KLK1: variants seen among roughly 807,000 people sequenced by gnomAD.
KLK1 encodes kallikrein 1.
In KLK1, 22 loss-of-function variants were observed where a neutral mutation model predicts 23.3. The ratio of observed to expected loss-of-function variants is 0.95; its 90% CI spans 0.68 to 1.35. The LOEUF is 1.35. Ranked by LOEUF, KLK1 falls within the 40% of genes most tolerant of loss-of-function variation. The pLI is 0.00. For synonymous variants in KLK1, 140 were observed against 135.8 expected, an observed-to-expected ratio of 1.03 and a Z score of -0.21; for missense variants, 301 against 338.9, an observed-to-expected ratio of 0.89 and a Z score of 0.88.
chr19:50,821,778 G>C lies in KLK1; in HGVS notation c.140C>G (p.Thr47Ser), dbSNP rs1380077734. ...PWQAALYHFS[T>S]FQCGGILVHR... ...CACCAGGATGCCCCCACACTGGAAA[G>C]TGCTGAAATGGTACAGAGCCGCCTG... The change falls in exon 2 of 5, where the codon ACT becomes AGT. Residue 47 changes from threonine (T) to serine (S), a missense_variant. Transcript: ENST00000301420. This position sits in a 1 kb window ranked among gnomAD's most constrained non-coding sequence, Gnocchi z 5.6. The C allele has an allele frequency of 6.2e-7, 1 of 1,613,922 alleles. No individual in the cohort carries two copies. Among genetic ancestry groups the C allele is most frequent in the African/African-American group, 1.3e-5 (1 of 74,928 alleles).
At position 50,820,045 on chromosome 19, in the gene KLK1, C is replaced by T. The variant is rs201056165; in HGVS notation, c.497-10G>A. On this transcript the variant is annotated splice_polypyrimidine_tract_variant and intron_variant, in intron 3 of 4. Coordinates refer to ENST00000301420, the MANE Select transcript of KLK1 (RefSeq NM_002257.4). ...TCATCTGGAAATGAGACTACGAACC[C>T]GGGAGAAAAAGGGCTGCAGCCCGAC... 8.1e-5 allele frequency: 131 copies of T among 1,613,614 alleles called. No homozygotes were observed. In the Middle Eastern group the frequency reaches 2.5e-3, roughly 31 times the overall value.
rs1226279168 is a variant in KLK1, at chr19:50,820,364, A to G, written c.286T>C (p.Phe96Leu). 6.2e-7 allele frequency: 1 copy of G among 1,613,842 alleles called. No individual in the cohort carries two copies. Among genetic ancestry groups the G allele is most frequent in the Non-Finnish European group, 8.5e-7 (1 of 1,180,010 alleles). Residue 96 changes from phenylalanine (F) to leucine (L), a missense_variant, in exon 3 of 5, where the codon TTC becomes CTC. Physicochemically the swap from Phe to Leu is conservative, Grantham distance 22. Coordinates refer to ENST00000301420, the MANE Select transcript of KLK1 (RefSeq NM_002257.4). ...CTCATGTTGAAGCCAGGGTGTGGGA[A>G]GCTCTCACTGACATGAACAAACTGG... is the stretch of plus-strand genomic sequence containing the variant. The part of the protein sequence containing the change: ...TAQFVHVSES[F>L]PHPGFNMSLL...
chr19:50,819,796 TG>T, intron 4 of KLK1, 102 bp downstream of exon 4: 1 of 1,175,572 alleles, frequency 8.5e-7, no homozygotes, highest in Non-Finnish European at 1.2e-6. Context: ...TACAGCTAGC[TG>T]GGAAGCAGTG....
At chr19:50,822,716 G>A in intron 1 of KLK1, 12 of 985,550 alleles carry the variant, frequency 1.2e-5, no homozygotes, top group Non-Finnish European at 1.4e-5. Context: ...CGTTTCTCAT[G>A]GGGATGGGGT....
In KLK1 at chr19:50,821,846, C is replaced by T. The variant is rs745742964; in HGVS notation, c.72G>A (p.Arg24=). 2 of 1,612,408 alleles carry T rather than the reference C, an allele frequency of 1.2e-6. No homozygotes were observed. Among genetic ancestry groups the T allele is most frequent in the Non-Finnish European group, 1.7e-6 (2 of 1,179,056 alleles). Residue 24 remains arginine, a synonymous_variant, in exon 2 of 5, where the codon CGG becomes CGA. Transcript: ENST00000301420. This position sits in a 1 kb window ranked among gnomAD's most constrained non-coding sequence, Gnocchi z 5.6. ...GTGAAPPIQS[R]IVGGWECEQH... ...GCTCACACTCCCAGCCTCCCACAAT[C>T]CGGGACTGAATCGGGGGCGCAGCAC...
In KLK1 at chr19:50,820,423, C is replaced by A; in HGVS notation, c.227G>T (p.Gly76Val). 9 of 1,610,394 alleles carry A rather than the reference C, an allele frequency of 5.6e-6. No homozygotes were observed. Among genetic ancestry groups the A allele is most frequent in the Non-Finnish European group, 7.6e-6 (9 of 1,178,462 alleles). ...TTCGTCGTCAAACAAGTTGTGGCGA[C>A]CCAGCCAGAGCTGGTAATTGCTGGG... Reference protein sequence around the residue: ...CISDNYQLWLGRHNLFDDENT... With the variant: ...CISDNYQLWLVRHNLFDDENT... The change falls in exon 3 of 5, where the codon GGT becomes GTT. Residue 76 changes from glycine (G) to valine (V), a missense_variant. Transcript: ENST00000301420.
rs904322700 is a variant in KLK1, at chr19:50,821,108, G to A, written c.206+604C>T. On this transcript the variant is annotated intron_variant, in intron 2 of 4. Transcript: ENST00000301420. The surrounding 1 kb of genome is among the most constrained non-coding windows in gnomAD (Gnocchi z 5.6). ...CCCAGCACCCTCCCGCGCGTTTCTC[G>A]CCCCGCCTCCTCCTTCCTCCTCCCT... 2.0e-5 allele frequency among the ~76,000 whole-genome samples: 3 copies of A among 152,134 alleles called. No individual in the cohort carries two copies. Among genetic ancestry groups the A allele is most frequent in the Non-Finnish European group, 2.9e-5 (2 of 68,020 alleles).
Position 50,819,320 on chromosome 19 carries a change from A to G in KLK1, c.663T>C (p.Asp221=). 1 of 1,613,392 alleles carries G rather than the reference A, an allele frequency of 6.2e-7. No individual in the cohort carries two copies. Among genetic ancestry groups the G allele is most frequent in the South Asian group, 1.1e-5 (1 of 91,058 alleles). ...VGDSGGPLMC[D]GVLQGVTSWG... is the part of the protein sequence containing the mutation. The stretch of plus-strand genomic sequence containing the variant: ...ATGATGTGACACCTTGGAGCACACC[A>G]TCACACATCAGCGGGCCCCCTGAAT... Residue 221 remains aspartate, a synonymous_variant, in exon 5 of 5, where the codon GAT becomes GAC. Coordinates refer to ENST00000301420, the MANE Select transcript of KLK1 (RefSeq NM_002257.4).
In KLK1 at chr19:50,820,222, G is replaced by T; in HGVS notation, c.428C>A (p.Pro143His). Residue 143 changes from proline to histidine, a missense_variant, in exon 3 of 5, where the codon CCC becomes CAC. By Grantham distance (77) the Pro-to-His change is moderately conservative (BLOSUM62 -2). Coordinates refer to ENST00000301420, the MANE Select transcript of KLK1 (RefSeq NM_002257.4). Reference sequence around the variant, plus strand: ...GCTCCCCACTTCGGGTTCCTCGGTGGGCAACTCCACGACCTTCACAGCATC... The same window carrying T: ...GCTCCCCACTTCGGGTTCCTCGGTGTGCAACTCCACGACCTTCACAGCATC... ...ITDAVKVVEL[P>H]TEEPEVGSTC... is the part of the protein sequence containing the mutation. 6.2e-7 allele frequency: 1 copy of T among 1,612,418 alleles called. No individual in the cohort carries two copies.
Position 50,821,640 on chromosome 19 carries a change from G to C in KLK1, c.206+72C>G. ...CCAGTCTTGCCTGAGGTTATCCAAG[G>C]GGAATGCCACTGGCCTGTCAATCCT... On this transcript the variant is annotated intron_variant, in intron 2 of 4. Coordinates refer to ENST00000301420, the MANE Select transcript of KLK1 (RefSeq NM_002257.4). This position sits in a 1 kb window ranked among gnomAD's most constrained non-coding sequence, Gnocchi z 5.6. 6.8e-7 allele frequency: 1 copy of C among 1,478,692 alleles called. No homozygotes were observed. Among genetic ancestry groups the C allele is most frequent in the Non-Finnish European group, 9.0e-7 (1 of 1,111,246 alleles). 91.6% of individuals were successfully genotyped at this position (1,478,692 alleles called of 1,614,324 possible).
At position 50,821,849 on chromosome 19, in the gene KLK1, G is replaced by T; in HGVS notation, c.69C>A (p.Ser23=). ...CACACTCCCAGCCTCCCACAATCCG[G>T]GACTGAATCGGGGGCGCAGCACCTG... ...GGTGAAPPIQ[S]RIVGGWECEQ... Residue 23 remains serine (S), a synonymous_variant, in exon 2 of 5, where the codon TCC becomes TCA. Coordinates refer to ENST00000301420, the MANE Select transcript of KLK1 (RefSeq NM_002257.4). The surrounding 1 kb of genome is among the most constrained non-coding windows in gnomAD (Gnocchi z 5.6). 1 of 1,611,842 alleles carries T rather than the reference G, an allele frequency of 6.2e-7. No homozygotes were observed. Among genetic ancestry groups the T allele is most frequent in the Non-Finnish European group, 8.5e-7 (1 of 1,178,802 alleles).
At chr19:50,820,497 G>T in intron 2 of KLK1, 54 bp from the exon 3 acceptor site, 1 of 1,123,534 alleles carries the variant, frequency 8.9e-7, no homozygotes, top group Non-Finnish European at 1.3e-6. Context: ...AAAAGGGGAT[G>T]GGGCAGGGGA....
rs918288491 is a variant in KLK1 at position 50,821,495 on chromosome 19, C to G, written c.206+217G>C. ...GAAGACAGAGACCAGAACACAGTCA[C>G]ACAGAGACACAAGCAGAACCAGATC... is the stretch of plus-strand genomic sequence containing the variant. On this transcript the variant is annotated intron_variant, in intron 2 of 4. Transcript: ENST00000301420. This position sits in a 1 kb window ranked among gnomAD's most constrained non-coding sequence, Gnocchi z 5.6. 6.6e-6 allele frequency among the ~76,000 whole-genome samples: 1 copy of G among 152,032 alleles called. No individual in the cohort carries two copies. Among genetic ancestry groups the G allele is most frequent in the African/African-American group, 2.4e-5 (1 of 41,386 alleles).
In KLK1 at chr19:50,821,871, C is replaced by G; in HGVS notation, c.47G>C (p.Gly16Ala). ...CCGGGACTGAATCGGGGGCGCAGCA[C>G]CTGCAGAGGCGGTGCTGGGTCAGGA... ...LCLALSLGGT[G>A]AAPPIQSRIV... Residue 16 changes from glycine to alanine, a missense_variant and splice_region_variant, in exon 2 of 5, where the codon GGT becomes GCT. Physicochemically the swap from Gly to Ala is moderately conservative, Grantham distance 60. Transcript: ENST00000301420. This position sits in a 1 kb window ranked among gnomAD's most constrained non-coding sequence, Gnocchi z 5.6. The G allele has an allele frequency of 6.2e-7, 1 of 1,605,542 alleles. No individual in the cohort carries two copies. Among genetic ancestry groups the G allele is most frequent in the Non-Finnish European group, 8.5e-7 (1 of 1,174,782 alleles).
chr19:50,820,037 T>G lies in KLK1; in HGVS notation c.497-2A>C, dbSNP rs200448641. ...ACTGGAGATCATCTGGAAATGAGAC[T>G]ACGAACCCGGGAGAAAAAGGGCTGC... On this transcript the variant is annotated splice_acceptor_variant, in intron 3 of 4. Coordinates refer to ENST00000301420, the MANE Select transcript of KLK1 (RefSeq NM_002257.4). LOFTEE classifies it high-confidence loss of function. 4 of 1,614,048 alleles carry G rather than the reference T, an allele frequency of 2.5e-6. No homozygotes were observed. The Admixed American group carries it at 5.0e-5, about 20-fold the overall frequency.
rs1025107166 is a variant in KLK1 at position 50,822,237 on chromosome 19, G to A, written c.47-366C>T. The A allele has an allele frequency of 4.9e-6, 5 of 1,015,158 alleles. No homozygotes were observed. The Middle Eastern group carries it at 1.9e-3, about 391-fold the overall frequency. 62.9% of individuals were successfully genotyped at this position (1,015,158 alleles called of 1,614,324 possible). On this transcript the variant is annotated intron_variant, in intron 1 of 4. Transcript: ENST00000301420. ...GGTTAGGGGAGTGGAAAGGGATTCTGGAAACCAGGGATCAAGGCGCCAAGG... is the reference window on the plus strand; with the variant it reads ...GGTTAGGGGAGTGGAAAGGGATTCTAGAAACCAGGGATCAAGGCGCCAAGG...
At chr19:50,819,749 A>C (rs1220897879) in intron 4 of KLK1, 150 bp downstream of exon 4, 4 of 719,368 alleles carry the variant, frequency 5.6e-6, no homozygotes, top group Non-Finnish European at 9.4e-6. Context: ...TGGGCGGGGG[A>C]AGGAGGGGGA....
chr19:50,821,640 G>A lies in KLK1; in HGVS notation c.206+72C>T. The A allele has an allele frequency of 1.4e-6, 2 of 1,478,692 alleles. No individual in the cohort carries two copies. The highest frequency in any genetic ancestry group is 1.8e-6 in the Non-Finnish European group (2 of 1,111,246). The allele number at this position is 1,478,692 out of a possible 1,614,324, so 91.6% of individuals were successfully genotyped here. The stretch of plus-strand genomic sequence containing the variant: ...CCAGTCTTGCCTGAGGTTATCCAAG[G>A]GGAATGCCACTGGCCTGTCAATCCT... On this transcript the variant is annotated intron_variant, in intron 2 of 4. Transcript: ENST00000301420. The surrounding 1 kb of genome is among the most constrained non-coding windows in gnomAD (Gnocchi z 5.6).
chr19:50,821,851 A>G lies in KLK1; in HGVS notation c.67T>C (p.Ser23Pro). Residue 23 changes from serine (S) to proline (P), a missense_variant, in exon 2 of 5, where the codon TCC (serine) becomes CCC (proline). Coordinates refer to ENST00000301420, the MANE Select transcript of KLK1 (RefSeq NM_002257.4). This position sits in a 1 kb window ranked among gnomAD's most constrained non-coding sequence, Gnocchi z 5.6. ...GGTGAAPPIQ[S>P]RIVGGWECEQ... ...CACTCCCAGCCTCCCACAATCCGGG[A>G]CTGAATCGGGGGCGCAGCACCTGCA... is the stretch of plus-strand genomic sequence containing the variant. The G allele has an allele frequency of 6.2e-7, 1 of 1,611,878 alleles. No homozygotes were observed. The highest frequency in any genetic ancestry group is 8.5e-7 in the Non-Finnish European group (1 of 1,178,790).
Sources: allele counts gnomAD v4.1 joint callset (sites outside exome capture counted in the v4.1 genomes callset), GRCh38; gene constraint gnomAD v4.1.1; non-coding constraint Gnocchi (gnomAD v3.1); transcripts MANE v1.5; gene names NCBI Gene and HGNC (gene_info 2026-07-23, HGNC 2026-07-21).